The following PXK variants were observed in gnomAD, a reference collection of about 807,000 sequenced individuals.
The protein encoded by PXK is PX domain-containing protein kinase-like protein.
A neutral mutation model predicts 84.7 loss-of-function variants in PXK; 35 were observed. That is an observed-to-expected ratio of 0.41 (90% CI 0.32 to 0.55). The LOEUF is 0.55. Among genes scored for constraint, PXK ranks in the 20% least tolerant of loss-of-function variants. PXK has a pLI of 0.21. For missense variants in PXK, 634 were observed against 699.7 expected, an observed-to-expected ratio of 0.91 and a Z score of 1.06; for synonymous variants, 253 against 260.8, an observed-to-expected ratio of 0.97 and a Z score of 0.29.
chr3:58,341,676 A>G (rs571938667), intron 1 of PXK, among the ~76,000 whole-genome samples: 19 of 152,094 alleles, frequency 1.2e-4, no homozygotes, highest in African/African-American at 4.6e-4. Flanking sequence ...TCATCACCAT[A>G]ATCAATCTTA....
chr3:58,336,364 G>T (rs755423387), intron 1 of PXK, among the ~76,000 whole-genome samples: 1 of 152,266 alleles, frequency 6.6e-6, no homozygotes, highest in Non-Finnish European at 1.5e-5. Flanking sequence ...GAAAGGACAT[G>T]TGTTGGTAGG....
chr3:58,342,528 A>G (rs1015332950), intron 1 of PXK, among the ~76,000 whole-genome samples: 2 of 151,120 alleles, frequency 1.3e-5, no homozygotes, highest in Non-Finnish European at 2.9e-5. Flanking sequence ...CCTGCTCCTC[A>G]GGAAGCTGAG....
intron 1 of PXK, among the ~76,000 whole-genome samples, chr3:58,343,711 G>T (rs1192401325): frequency 6.6e-6 from 1 of 152,118 alleles, no homozygotes; most frequent in Non-Finnish European, 1.5e-5. Context: ...GTATTGCTGG[G>T]TTGATTCAAT....
chr3:58,401,922 CT>C lies in PXK; in HGVS notation c.1182-1939del, dbSNP rs2058636064. On this transcript the variant is annotated intron_variant, in intron 12 of 17. Coordinates refer to ENST00000356151, the MANE Select transcript of PXK (RefSeq NM_017771.5). The surrounding 1 kb of genome is among the most constrained non-coding windows in gnomAD (Gnocchi z 4.4). ...AAAATAAAATAAAAAATAAAACAAA[CT>C]GGGGGCGCAGGATATTCAGCCAGGC... 1.3e-5 allele frequency among the ~76,000 whole-genome samples: 2 copies of C among 152,066 alleles called. 1 individual carries two copies. The highest frequency in any genetic ancestry group is 4.2e-4 in the South Asian group (2 of 4,812).
chr3:58,387,294 A>T (rs1317861248), intron 4 of PXK, among the ~76,000 whole-genome samples: 1 of 152,180 alleles, frequency 6.6e-6, no homozygotes, highest in Non-Finnish European at 1.5e-5. Context: ...CTTCCTTCTC[A>T]TGGATTTCAT....
chr3:58,386,741 G>A (rs149573373), intron 4 of PXK, among the ~76,000 whole-genome samples: 1 of 152,242 alleles, frequency 6.6e-6, no homozygotes, highest in East Asian at 1.9e-4. Context: ...GAAATCAAGA[G>A]GCCTGTATCA....
intron 1 of PXK, among the ~76,000 whole-genome samples, chr3:58,356,861 A>G (rs1179910057): frequency 4.7e-5 from 7 of 149,694 alleles, no homozygotes; most frequent in African/African-American, 1.7e-4. Context: ...CTCAGCCTCC[A>G]AAGTGCTGGG....
Position 58,399,377 on chromosome 3 carries a change from C to T in PXK, c.1181C>T (p.Pro394Leu), listed in dbSNP as rs1449003587. 3 of 1,611,380 alleles carry T rather than the reference C, an allele frequency of 1.9e-6. No individual in the cohort carries two copies. Among genetic ancestry groups the T allele is most frequent in the Non-Finnish European group, 2.5e-6 (3 of 1,177,682 alleles). Residue 394 changes from proline to leucine, a missense_variant and splice_region_variant, in exon 12 of 18, where the codon CCA (proline) becomes CTA (leucine). This residue lies in a region of PXK where 273 missense variants were observed against 283.6 expected (regional missense o/e 0.96). Transcript: ENST00000356151. The surrounding 1 kb of genome is among the most constrained non-coding windows in gnomAD (Gnocchi z 4.3). Reference protein sequence around the residue: ...MPTISRLLQMPLFSDVLLTTS... With the variant: ...MPTISRLLQMLLFSDVLLTTS... Reference sequence around the variant, plus strand: ...ACCATCTCCCGGCTCTTACAGATGCCGTAAGTCAATCATATGCGTTGGTTG... The same window carrying T: ...ACCATCTCCCGGCTCTTACAGATGCTGTAAGTCAATCATATGCGTTGGTTG...
intron 1 of PXK, among the ~76,000 whole-genome samples, chr3:58,352,803 C>T (rs1157058576): frequency 6.6e-6 from 1 of 152,088 alleles, no homozygotes; most frequent in Non-Finnish European, 1.5e-5. Flanking sequence ...TCTTTGAAGT[C>T]GGTGTGGAGA....
In PXK at chr3:58,421,174, TA is replaced by T; in HGVS notation, c.1529-3577del. On this transcript the variant is annotated intron_variant, in intron 17 of 17. Transcript: ENST00000356151. The surrounding 1 kb of genome is among the most constrained non-coding windows in gnomAD (Gnocchi z 5.5). ...GTGGCTGGTAAGTCTGGTGTTACCC[TA>T]GTGTGGTCTCATGGCCACTTGGCCT... is the stretch of plus-strand genomic sequence containing the variant. 1.0e-6 allele frequency: 1 copy of T among 985,380 alleles called. No homozygotes were observed. Among genetic ancestry groups the T allele is most frequent in the South Asian group, 4.7e-5 (1 of 21,284 alleles). 61.0% of individuals were successfully genotyped at this position (985,380 alleles called of 1,614,324 possible).
At chr3:58,417,409 A>G (rs68021431) in intron 17 of PXK, among the ~76,000 whole-genome samples, 43,422 of 152,112 alleles carry the variant, frequency 0.29, 7,107 homozygotes, top group Middle Eastern at 0.39. Flanking sequence ...TTCTAAGTGA[A>G]GGGGTCTTAC....
chr3:58,343,814 G>A (rs1414273348), intron 1 of PXK, among the ~76,000 whole-genome samples: 1 of 152,212 alleles, frequency 6.6e-6, no homozygotes, highest in Non-Finnish European at 1.5e-5. Flanking sequence ...CATTATTGGA[G>A]GTAAAGCTCT....
At chr3:58,362,615 T>C (rs1424185846) in intron 1 of PXK, among the ~76,000 whole-genome samples, 1 of 152,280 alleles carries the variant, frequency 6.6e-6, no homozygotes, top group Non-Finnish European at 1.5e-5. Context: ...GGGTTCTCTG[T>C]TGTCTTCCAG....
intron 4 of PXK, among the ~76,000 whole-genome samples, chr3:58,384,403 A>G (rs1470985632): frequency 6.6e-6 from 1 of 152,218 alleles, no homozygotes; most frequent in Non-Finnish European, 1.5e-5. Flanking sequence ...CAAGAGAAGG[A>G]AAGTTTATTT....
In PXK at chr3:58,412,720, C is replaced by T. The variant is rs62258134; in HGVS notation, c.1466-181C>T. 0.3 allele frequency among the ~76,000 whole-genome samples: 45,085 copies of T among 152,098 alleles called. 7,444 individuals carry two copies. Among genetic ancestry groups the T allele is most frequent in the Middle Eastern group, 0.39 (116 of 294 alleles). ...CTTGGGGAAGGAGGTGGACCCTGCA[C>T]CAGAGTAAAAGCCTGTCACTGGGTC... On this transcript the variant is annotated intron_variant, in intron 16 of 17. Coordinates refer to ENST00000356151, the MANE Select transcript of PXK (RefSeq NM_017771.5). This position sits in a 1 kb window ranked among gnomAD's most constrained non-coding sequence, Gnocchi z 6.2.
chr3:58,358,759 C>A (rs2098131797), intron 1 of PXK, among the ~76,000 whole-genome samples: 1 of 152,100 alleles, frequency 6.6e-6, no homozygotes, highest in Admixed American at 6.5e-5. Context: ...TGAGCAGAAT[C>A]ACCCCCGCTT....
chr3:58,372,330 CTTTTTTTT>C lies in PXK; in HGVS notation c.201+2855_201+2862del, dbSNP rs539596327. Among the ~76,000 whole-genome samples, 7 of 148,868 alleles carry C rather than the reference CTTTTTTTT, an allele frequency of 4.7e-5. No homozygotes were observed. In the East Asian group the frequency reaches 1.4e-3, roughly 29 times the overall value. On this transcript the variant is annotated intron_variant, in intron 3 of 17. Transcript: ENST00000356151. Reference sequence around the variant, plus strand: ...GAAAAACAGAAAAAAGCTGCTTTTTCTTTTTTTTTTGAGATGGAGTCTCACTCTGTCGC... The same window carrying C: ...GAAAAACAGAAAAAAGCTGCTTTTTCTTGAGATGGAGTCTCACTCTGTCGC...
Position 58,399,570 on chromosome 3 carries a change from T to C in PXK, c.1181+193T>C, listed in dbSNP as rs760085255. On this transcript the variant is annotated intron_variant, in intron 12 of 17. Coordinates refer to ENST00000356151, the MANE Select transcript of PXK (RefSeq NM_017771.5). This position sits in a 1 kb window ranked among gnomAD's most constrained non-coding sequence, Gnocchi z 4.3. ...TGACCTCTGTGCTCTCCTGGTCTGA[T>C]GGCTATCCTTTAACATCTGTGTCAT... 6.6e-6 allele frequency among the ~76,000 whole-genome samples: 1 copy of C among 152,222 alleles called. No homozygotes were observed. Among genetic ancestry groups the C allele is most frequent in the African/African-American group, 2.4e-5 (1 of 41,456 alleles).
At chr3:58,369,873 C>G (rs763632483) in intron 3 of PXK, among the ~76,000 whole-genome samples, 10 of 142,122 alleles carry the variant, frequency 7.0e-5, no homozygotes, top group Non-Finnish European at 1.2e-4. Flanking sequence ...ATATCAGAAA[C>G]AAGAAATTAG....
Sources: gnomAD v4.1 joint callset for allele counts (sites outside exome capture counted in the v4.1 genomes callset) on GRCh38, gnomAD v4.1.1 for gene constraint, gnomAD v4.1.1 regional missense constraint, Gnocchi (gnomAD v3.1) non-coding constraint, MANE v1.5 for transcripts, NCBI Gene and HGNC (gene_info 2026-07-23, HGNC 2026-07-21) for gene names.